NAPEPLD: variants seen among roughly 807,000 people sequenced by gnomAD.
NAPEPLD encodes N-acyl-phosphatidylethanolamine-hydrolyzing phospholipase D.
Under a neutral mutation model 38.1 loss-of-function variants are expected in NAPEPLD, and 23 were observed. The observed-to-expected ratio is 0.60, with a 90% confidence interval of 0.43 to 0.86. The LOEUF is 0.86. Ranked by LOEUF, NAPEPLD falls within the 40% of genes least tolerant of loss-of-function variation. The probability of loss-of-function intolerance (pLI) is 0.00; values close to 1 mark genes in which losing one functional copy is unlikely to be tolerated. For synonymous variants in NAPEPLD, 147 were observed against 162.0 expected, an observed-to-expected ratio of 0.91 and a Z score of 0.71; for missense variants, 411 against 476.8, an observed-to-expected ratio of 0.86 and a Z score of 1.28.
chr7:103,132,925 T>G (rs1319286003), intron 1 of NAPEPLD, among the ~76,000 whole-genome samples: 1 of 152,220 alleles, frequency 6.6e-6, no homozygotes, highest in African/African-American at 2.4e-5. Context: ...ATCCACTCAG[T>G]CTTTCACCCC....
chr7:103,112,623 G>A (rs956327613), intron 4 of NAPEPLD, among the ~76,000 whole-genome samples: 14 of 152,122 alleles, frequency 9.2e-5, no homozygotes, highest in African/African-American at 3.1e-4. Context: ...GGCTACGGGA[G>A]GGATAGCATT....
rs541151810 is a variant in NAPEPLD, at chr7:103,140,418, A to T, written c.-17+8393T>A. Reference sequence around the variant, plus strand: ...TTTTTTTTTTTTTTTTTTGAAACAGAGTCTTGCTCAGTCGCCCAGGCTGGA... The same window carrying T: ...TTTTTTTTTTTTTTTTTTGAAACAGTGTCTTGCTCAGTCGCCCAGGCTGGA... On this transcript the variant is annotated intron_variant, in intron 1 of 4. Transcript: ENST00000465647. 3.4e-5 allele frequency among the ~76,000 whole-genome samples: 4 copies of T among 118,116 alleles called. No homozygotes were observed. The East Asian group carries it at 9.9e-4, about 29-fold the overall frequency. 77.5% of individuals were successfully genotyped at this position (118,116 alleles called of 152,430 possible).
chr7:103,145,749 T>C (rs1314183748), intron 1 of NAPEPLD, among the ~76,000 whole-genome samples: 2 of 152,168 alleles, frequency 1.3e-5, no homozygotes, highest in African/African-American at 2.4e-5. Context: ...TGATGGAGCC[T>C]GGACTACGTA....
At chr7:103,103,953 G>A (rs1802792885) in intron 4 of NAPEPLD, among the ~76,000 whole-genome samples, 2 of 152,200 alleles carry the variant, frequency 1.3e-5, no homozygotes, top group South Asian at 4.1e-4. Context: ...TGTGGTGTGT[G>A]TGTGTGTGTA....
In NAPEPLD at chr7:103,103,183, G is replaced by T. The variant is rs530847845; in HGVS notation, c.*246C>A. 1.1e-4 allele frequency: 31 copies of T among 289,862 alleles called. No homozygotes were observed. The highest frequency in any genetic ancestry group is 6.5e-4 in the African/African-American group (30 of 46,036). 18.0% of individuals were successfully genotyped at this position (289,862 alleles called of 1,614,324 possible). On this transcript the variant is annotated 3_prime_UTR_variant, in exon 5 of 5. Transcript: ENST00000465647. ...ATTTCCATTGCAGTGCTTATATCATGATATGAAATTTAAAATCCACATTAG... is the reference window on the plus strand; with the variant it reads ...ATTTCCATTGCAGTGCTTATATCATTATATGAAATTTAAAATCCACATTAG...
chr7:103,121,178 A>G (rs1319703326), intron 2 of NAPEPLD, among the ~76,000 whole-genome samples: 2 of 152,192 alleles, frequency 1.3e-5, no homozygotes, highest in Non-Finnish European at 2.9e-5. Context: ...GATCACTGAG[A>G]TAAGGGGGGC....
upstream of NAPEPLD, chr7:103,149,570 C>G: frequency 5.5e-6 from 6 of 1,084,598 alleles, no homozygotes; most frequent in Non-Finnish European, 7.2e-6. Flanking sequence ...CAGGCTGCCT[C>G]TCCAGCCCTT....
chr7:103,110,978 G>A (rs1272165627), intron 4 of NAPEPLD, among the ~76,000 whole-genome samples: 1 of 152,158 alleles, frequency 6.6e-6, no homozygotes, highest in African/African-American at 2.4e-5. Context: ...AACAGGCAAA[G>A]AGTCAAATCA....
rs1411949202 is a variant in NAPEPLD at position 103,101,466 on chromosome 7, C to G, written c.*1963G>C. On this transcript the variant is annotated 3_prime_UTR_variant, in exon 5 of 5. Transcript: ENST00000465647. ...TCAGTGAAAGTTTTCAATGTTTAGT[C>G]TCCTAATATATAATGCTTAAATTTG... 6.6e-6 allele frequency: 1 copy of G among 152,418 alleles called. No individual in the cohort carries two copies. Among genetic ancestry groups the G allele is most frequent in the Non-Finnish European group, 1.5e-5 (1 of 68,028 alleles). 9.4% of individuals were successfully genotyped at this position (152,418 alleles called of 1,614,324 possible).
intron 1 of NAPEPLD, among the ~76,000 whole-genome samples, chr7:103,139,050 A>C (rs549108179): frequency 6.6e-6 from 1 of 152,342 alleles, no homozygotes; most frequent in African/African-American, 2.4e-5. Flanking sequence ...ATTTCACCTG[A>C]GAACAGCATA....
chr7:103,130,402 T>C (rs1029853591), intron 1 of NAPEPLD, among the ~76,000 whole-genome samples: 2 of 152,050 alleles, frequency 1.3e-5, no homozygotes, highest in Admixed American at 1.3e-4. Flanking sequence ...TAAGAGAGAG[T>C]CTAACAAGAT....
chr7:103,129,828 C>A (rs1479155446), intron 1 of NAPEPLD, among the ~76,000 whole-genome samples: 2 of 152,110 alleles, frequency 1.3e-5, no homozygotes, highest in Non-Finnish European at 2.9e-5. Flanking sequence ...ATTAAGAAGA[C>A]CTGTAATACA....
upstream of NAPEPLD, chr7:103,149,424 G>T (rs1226029388): frequency 5.6e-6 from 7 of 1,239,314 alleles, no homozygotes; most frequent in Non-Finnish European, 6.2e-6. Flanking sequence ...CGCCGCGCTG[G>T]CTCCGCCGAG....
chr7:103,141,871 C>T (rs1362925172), intron 1 of NAPEPLD: 3 of 1,020,800 alleles, frequency 2.9e-6, no homozygotes, highest in Admixed American at 1.7e-5. Context: ...TGGGGTCTAA[C>T]CAGATATTCT....
chr7:103,143,329 G>A (rs948245403), intron 1 of NAPEPLD, among the ~76,000 whole-genome samples: 4 of 151,184 alleles, frequency 2.6e-5, no homozygotes, highest in Non-Finnish European at 4.4e-5. Context: ...TGGTAAAGAC[G>A]AAAAGATGCC....
At chr7:103,144,340 A>G (rs566884499) in intron 1 of NAPEPLD, among the ~76,000 whole-genome samples, 11 of 152,328 alleles carry the variant, frequency 7.2e-5, no homozygotes, top group African/African-American at 2.4e-4. Flanking sequence ...TTGCAAAGTA[A>G]AAGGTACTTG....
In NAPEPLD at chr7:103,138,008, C is replaced by T. The variant is rs79095593; in HGVS notation, c.-16-9216G>A. Among the ~76,000 whole-genome samples, 310 of 147,450 alleles carry T rather than the reference C, an allele frequency of 2.1e-3. 9 individuals carry two copies. The East Asian group carries it at 0.048, about 23-fold the overall frequency. On this transcript the variant is annotated intron_variant, in intron 1 of 4. Coordinates refer to ENST00000465647, the MANE Select transcript of NAPEPLD (RefSeq NM_001122838.3). ...TCTTTTTTTTTTTGAGACGGAGTCG[C>T]GTTCTGTTACCCAGGCTGGAGTGCA...
chr7:103,114,429 A>G (rs1217524956), intron 4 of NAPEPLD, among the ~76,000 whole-genome samples: 1 of 152,126 alleles, frequency 6.6e-6, no homozygotes, highest in Non-Finnish European at 1.5e-5. Flanking sequence ...ATATATTTCT[A>G]GAAAGTTCCA....
At chr7:103,138,306 C>T (rs1810506879) in intron 1 of NAPEPLD, among the ~76,000 whole-genome samples, 1 of 151,976 alleles carries the variant, frequency 6.6e-6, no homozygotes, top group African/African-American at 2.4e-5. Context: ...ATTACGTATA[C>T]AAAAAGAAAA....
Sources: allele counts gnomAD v4.1 joint callset (sites outside exome capture counted in the v4.1 genomes callset), GRCh38; gene constraint gnomAD v4.1.1; transcripts MANE v1.5; gene names NCBI Gene and HGNC (gene_info 2026-07-23, HGNC 2026-07-21).